POLR1C: variants seen among roughly 807,000 people sequenced by gnomAD.
POLR1C encodes the protein RNA polymerase I and III subunit C.
A neutral mutation model predicts 38.3 loss-of-function variants in POLR1C; 42 were observed. That is an observed-to-expected ratio of 1.10 (90% confidence interval 0.86 to 1.42). POLR1C has a LOEUF of 1.42. Ranked by LOEUF, POLR1C falls within the 40% of genes most tolerant of loss-of-function variation. The pLI is 0.00. For synonymous variants in POLR1C, 163 were observed against 163.9 expected (o/e 0.99, Z 0.04); for missense variants, 507 against 450.5 (o/e 1.13, Z -1.14).
chr6:43,559,449 A>C (rs1374402262), intron 10 of POLR1C, among the ~76,000 whole-genome samples: 1 of 152,208 alleles, frequency 6.6e-6, no homozygotes, highest in Non-Finnish European at 1.5e-5. Flanking sequence ...ATTCATGAGC[A>C]ACTCTCTACT....
At chr6:43,557,427 A>C (rs112903748) in intron 10 of POLR1C, among the ~76,000 whole-genome samples, 2,840 of 151,504 alleles carry the variant, frequency 0.019, 35 homozygotes, top group South Asian at 0.039. Flanking sequence ...CTCCATCTCA[A>C]AAAAAAAAGA....
At chr6:43,546,875 C>T (rs968690212) in intron 9 of POLR1C, 2 of 978,664 alleles carry the variant, frequency 2.0e-6, no homozygotes, top group Non-Finnish European at 1.5e-6. Flanking sequence ...TGAAATAATC[C>T]TCTGCTCCCC....
chr6:43,539,787 G>T (rs1582213031), intron 9 of POLR1C: 1 of 569,286 alleles, frequency 1.8e-6, no homozygotes, highest in Non-Finnish European at 3.1e-6. Context: ...TTCCTTGAAG[G>T]TCTGGGAGAA....
At chr6:43,534,445 C>T (rs1227164191), downstream of POLR1C, among the ~76,000 whole-genome samples, 1 of 152,168 alleles carries the variant, frequency 6.6e-6, no homozygotes, top group Non-Finnish European at 1.5e-5. Context: ...ATGGACCTTG[C>T]AACAGCTGTT....
downstream of POLR1C, chr6:43,525,595 C>T: frequency 1.8e-6 from 1 of 542,918 alleles, no homozygotes; most frequent in Non-Finnish European, 3.2e-6. Context: ...GGAGGCTAAA[C>T]ACCAGGGATC....
At chr6:43,525,721 A>T, downstream of POLR1C, 1 of 1,075,556 alleles carries the variant, frequency 9.3e-7, no homozygotes, top group South Asian at 1.7e-5. Flanking sequence ...GGAACCAGGA[A>T]CTTATGTAAC....
intron 10 of POLR1C, chr6:43,553,803 G>A (rs1021653063): frequency 8.3e-6 from 2 of 240,398 alleles, no homozygotes; most frequent in Non-Finnish European, 1.5e-5. Context: ...ATGAGAATAC[G>A]CAGGTGAACA....
downstream of POLR1C, chr6:43,522,583 G>A (rs941391429): frequency 6.0e-6 from 2 of 331,764 alleles, no homozygotes. Context: ...GCACCACACA[G>A]GAAGAGGGAG....
chr6:43,554,785 T>C (rs1761959004), intron 10 of POLR1C, among the ~76,000 whole-genome samples: 1 of 152,174 alleles, frequency 6.6e-6, no homozygotes, highest in Non-Finnish European at 1.5e-5. Flanking sequence ...AGTTTCATCT[T>C]AGTGCAACAC....
At chr6:43,546,443 A>G in intron 9 of POLR1C, 1 of 907,624 alleles carries the variant, frequency 1.1e-6, no homozygotes, top group Non-Finnish European at 1.5e-6. Context: ...ACCCTCTAGA[A>G]AGAAATAAGA....
Position 43,536,290 on chromosome 6 carries a change from C to T in POLR1C, c.*4+6931C>T, listed in dbSNP as rs143744269. ...ATTAGCCGGGTGTGGTGGTGCATGC[C>T]TATAATCCCAGCTACTTGAGAGGTC... On this transcript the variant is annotated intron_variant, in intron 9 of 10. Coordinates refer to the POLR1C transcript ENST00000607635. 6.7e-3 allele frequency among the ~76,000 whole-genome samples: 1,016 copies of T among 151,630 alleles called. 12 individuals are homozygous for T. The highest frequency in any genetic ancestry group is 0.023 in the African/African-American group (933 of 41,288).
intron 10 of POLR1C, chr6:43,555,979 T>C (rs140856231): frequency 1.9e-6 from 3 of 1,613,092 alleles, no homozygotes; most frequent in African/African-American, 1.3e-5. Context: ...CAAGAGAAAA[T>C]GCCAAGGGAA....
chr6:43,525,552 G>A (rs1334707093), downstream of POLR1C: 5 of 524,800 alleles, frequency 9.5e-6, no homozygotes, highest in Admixed American at 3.5e-5. Flanking sequence ...ACCTGTATGT[G>A]TAGGATGGAG....
intron 10 of POLR1C, among the ~76,000 whole-genome samples, chr6:43,557,814 G>T: frequency 6.8e-6 from 1 of 147,300 alleles, no homozygotes; most frequent in African/African-American, 2.5e-5. Context: ...AAAAAAGGAG[G>T]CTGGGCGCGG....
chr6:43,531,001 C>T (rs1441223914), downstream of POLR1C, among the ~76,000 whole-genome samples: 2 of 152,138 alleles, frequency 1.3e-5, no homozygotes, highest in African/African-American at 2.4e-5. Flanking sequence ...TGTTGGTGGC[C>T]GAGATCAGCA....
chr6:43,559,090 A>T (rs1043390101), intron 10 of POLR1C: 1 of 152,768 alleles, frequency 6.5e-6, no homozygotes, highest in Non-Finnish European at 1.5e-5. Context: ...TGAGCTCAGG[A>T]GTTTGAGACC....
At chr6:43,547,036 A>C (rs1794998446) in intron 9 of POLR1C, among the ~76,000 whole-genome samples, 1 of 152,190 alleles carries the variant, frequency 6.6e-6, no homozygotes, top group Non-Finnish European at 1.5e-5. Flanking sequence ...CCTGATGAGA[A>C]GGTGGCTTAG....
chr6:43,517,648 TTGGGG>T (rs892476632), intron 2 of POLR1C, among the ~76,000 whole-genome samples: 12 of 151,782 alleles, frequency 7.9e-5, no homozygotes, highest in African/African-American at 2.9e-4. Flanking sequence ...GACGGCAGGG[TTGGGG>T]TGGGGAGCAT....
chr6:43,553,401 G>C (rs1011941599), intron 10 of POLR1C: 1 of 1,607,998 alleles, frequency 6.2e-7, no homozygotes, highest in Non-Finnish European at 8.5e-7. Context: ...AAACATCTGG[G>C]TGATAACACT....
Sources: allele counts gnomAD v4.1 joint callset (sites outside exome capture counted in the v4.1 genomes callset), GRCh38; gene constraint gnomAD v4.1.1; transcripts MANE v1.5; gene names NCBI Gene and HGNC (gene_info 2026-07-23, HGNC 2026-07-21).